SPATA13: variants seen among roughly 807,000 people sequenced by gnomAD.
SPATA13 encodes spermatogenesis associated 13, also known as spermatogenesis-associated protein 13.
A neutral mutation model predicts 104.0 loss-of-function variants in SPATA13; 50 were observed. The observed-to-expected ratio is 0.48, with a 90% CI of 0.38 to 0.61. The LOEUF (loss-of-function observed/expected upper bound fraction) is 0.61, where lower values mean the gene tolerates loss of function less well. SPATA13 is among the 20% of genes least tolerant of loss of function. SPATA13 has a pLI of 0.00. For synonymous variants in SPATA13, 606 were observed against 667.5 expected (o/e 0.91, Z 1.42); for missense variants, 1,524 against 1,690.6 (o/e 0.90, Z 1.73).
chr13:24,045,773 T>C (rs747529505), intron 3 of SPATA13, among the ~76,000 whole-genome samples: 1 of 152,062 alleles, frequency 6.6e-6, no homozygotes, highest in Non-Finnish European at 1.5e-5. Context: ...AGCCACAGGG[T>C]TGCTGGGATT....
At chr13:24,124,989 A>G (rs1037828762) in intron 3 of SPATA13, among the ~76,000 whole-genome samples, 3 of 152,224 alleles carry the variant, frequency 2.0e-5, no homozygotes, top group African/African-American at 7.2e-5. Context: ...ATAGGGTCAG[A>G]GCGGGTGGTG....
intron 3 of SPATA13, among the ~76,000 whole-genome samples, chr13:24,036,908 T>C (rs1013967268): frequency 6.6e-6 from 1 of 151,878 alleles, no homozygotes; most frequent in Non-Finnish European, 1.5e-5. Context: ...CCCGAGTAGC[T>C]GAGACTACAG....
intron 3 of SPATA13, chr13:24,017,715 C>G (rs1208416889): frequency 5.1e-6 from 5 of 985,042 alleles, no homozygotes; most frequent in Non-Finnish European, 6.0e-6. Context: ...AGAAGGGCCT[C>G]GAGTCCGTTC....
intron 1 of SPATA13, among the ~76,000 whole-genome samples, chr13:24,164,377 C>A (rs1035661227): frequency 6.6e-6 from 1 of 152,246 alleles, no homozygotes; most frequent in African/African-American, 2.4e-5. Context: ...CCCAGGGAAC[C>A]TGCAGGGTAT....
intron 2 of SPATA13, among the ~76,000 whole-genome samples, chr13:24,015,914 G>A (rs1876691136): frequency 6.6e-6 from 1 of 152,232 alleles, no homozygotes; most frequent in African/African-American, 2.4e-5. Context: ...CTCAGGCAGT[G>A]GGATTTGAGC....
intron 3 of SPATA13, among the ~76,000 whole-genome samples, chr13:24,071,732 T>C (rs1036772258): frequency 6.6e-6 from 1 of 152,218 alleles, no homozygotes; most frequent in East Asian, 1.9e-4. Context: ...GTATTCTAAG[T>C]AAGGGCATTT....
chr13:24,273,582 A>G (rs759340780), intron 4 of SPATA13, among the ~76,000 whole-genome samples: 1 of 152,258 alleles, frequency 6.6e-6, no homozygotes, highest in Admixed American at 6.5e-5. Context: ...CAGTCACCCA[A>G]CACTGACTAT....
chr13:23,988,547 G>A (rs370340032), intron 2 of SPATA13, among the ~76,000 whole-genome samples: 3 of 152,174 alleles, frequency 2.0e-5, no homozygotes, highest in African/African-American at 7.2e-5. Context: ...TGAGAAGAAC[G>A]TTTTGGGCAC....
chr13:24,050,508 G>A lies in SPATA13; in HGVS notation c.-112+32807G>A, dbSNP rs141646653. 9.2e-5 allele frequency among the ~76,000 whole-genome samples: 14 copies of A among 152,270 alleles called. No individual in the cohort carries two copies. The East Asian group carries it at 2.7e-3, about 29-fold the overall frequency. On this transcript the variant is annotated intron_variant, in intron 3 of 14. Transcript: ENST00000424834. ...CAGGAGCCATAGCTTAGGGGCCACT[G>A]TCCCTGGTCAGGCACACAGACAGGA...
At chr13:24,229,497 C>G (rs1872141580) in intron 2 of SPATA13, among the ~76,000 whole-genome samples, 1 of 152,150 alleles carries the variant, frequency 6.6e-6, no homozygotes, top group Admixed American at 6.5e-5. Flanking sequence ...TTATGGATGT[C>G]AAACACTTAG....
Position 24,306,509 on chromosome 13 carries a change from A to G in SPATA13, c.*3736A>G, listed in dbSNP as rs547799997. On this transcript the variant is annotated 3_prime_UTR_variant, in exon 13 of 13. Transcript: ENST00000382108. ...AAGTCAACTAGGTGAAACTACTAGC[A>G]GACCCAGCTTTCCCATAATAACCTA... is the stretch of plus-strand genomic sequence containing the variant. The G allele has an allele frequency of 4.6e-5, 7 of 152,360 alleles. No individual in the cohort carries two copies. Among genetic ancestry groups the G allele is most frequent in the African/African-American group, 1.7e-4 (7 of 41,588 alleles). 9.4% of individuals were successfully genotyped at this position (152,360 alleles called of 1,614,324 possible). A position where few individuals can be genotyped will look rare whatever the true frequency, so the allele number is the denominator to read the frequency against.
At chr13:24,024,371 A>G (rs892267048) in intron 3 of SPATA13, among the ~76,000 whole-genome samples, 1 of 152,114 alleles carries the variant, frequency 6.6e-6, no homozygotes, top group Non-Finnish European at 1.5e-5. Flanking sequence ...GGATGGATGG[A>G]TGGATGGATG....
intron 3 of SPATA13, among the ~76,000 whole-genome samples, chr13:24,049,880 C>A (rs1453259349): frequency 6.6e-6 from 1 of 152,062 alleles, no homozygotes. Context: ...CTCGTTCTTT[C>A]TTTCTTTTTT....
intron 3 of SPATA13, among the ~76,000 whole-genome samples, chr13:24,038,903 G>C (rs1207039431): frequency 6.6e-6 from 1 of 152,210 alleles, no homozygotes; most frequent in East Asian, 1.9e-4. Flanking sequence ...TTGGCTAAAA[G>C]GGAGCACACA....
intron 3 of SPATA13, among the ~76,000 whole-genome samples, chr13:24,065,339 A>G (rs555099512): frequency 6.6e-6 from 1 of 152,236 alleles, no homozygotes; most frequent in East Asian, 1.9e-4. Flanking sequence ...TATGAGGGGT[A>G]GCAGATGGGA....
At chr13:24,089,554 CAGTT>C (rs1388840392) in intron 3 of SPATA13, among the ~76,000 whole-genome samples, 1 of 152,162 alleles carries the variant, frequency 6.6e-6, no homozygotes, top group Admixed American at 6.5e-5. Context: ...CTAGGGCAAT[CAGTT>C]AGTGTTGTGG....
At chr13:24,210,814 G>C (rs1460188167) in intron 1 of SPATA13, among the ~76,000 whole-genome samples, 1 of 141,250 alleles carries the variant, frequency 7.1e-6, no homozygotes, top group Non-Finnish European at 1.5e-5. Flanking sequence ...CCATGGCATT[G>C]AATCTGTAGA....
chr13:24,088,316 T>A lies in SPATA13; in HGVS notation c.-112+70615T>A, dbSNP rs1879800725. On this transcript the variant is annotated intron_variant, in intron 3 of 14. Transcript: ENST00000424834. This position sits in a 1 kb window ranked among gnomAD's most constrained non-coding sequence, Gnocchi z 4.3. ...GGTAAGGAATTGGCCCGCAGTCACA[T>A]GACTATTAAAGCATCTGAATTGGGA... 6.6e-6 allele frequency among the ~76,000 whole-genome samples: 1 copy of A among 152,150 alleles called. No homozygotes were observed. The highest frequency in any genetic ancestry group is 2.4e-5 in the African/African-American group (1 of 41,432).
chr13:24,042,713 C>T (rs574860196), intron 3 of SPATA13, among the ~76,000 whole-genome samples: 2 of 152,316 alleles, frequency 1.3e-5, no homozygotes, highest in East Asian at 3.9e-4. Context: ...ATTGGGAGAG[C>T]TTGATAAAGA....
Sources: gnomAD v4.1 joint callset for allele counts (sites outside exome capture counted in the v4.1 genomes callset) on GRCh38, gnomAD v4.1.1 for gene constraint, Gnocchi (gnomAD v3.1) non-coding constraint, MANE v1.5 for transcripts, NCBI Gene and HGNC (gene_info 2026-07-23, HGNC 2026-07-21) for gene names.